Variants in TMEM232 observed in about 807,000 individuals in gnomAD.
TMEM232 encodes the protein transmembrane protein 232.
In TMEM232, 80 loss-of-function variants were observed where a neutral mutation model predicts 78.8. The observed-to-expected ratio is 1.01, with a 90% CI of 0.85 to 1.22. The LOEUF (loss-of-function observed/expected upper bound fraction) is 1.22, where lower values mean the gene tolerates loss of function less well. Ranked by LOEUF, TMEM232 falls within the 50% of genes most tolerant of loss-of-function variation. The probability of loss-of-function intolerance (pLI) is 0.00; values close to 1 mark genes in which losing one functional copy is unlikely to be tolerated. For synonymous variants in TMEM232, 297 were observed against 254.3 expected (o/e 1.17, Z -1.60); for missense variants, 881 against 742.2 (o/e 1.19, Z -2.17).
At chr5:110,690,643 T>C (rs762717648) in intron 1 of TMEM232, among the ~76,000 whole-genome samples, 2 of 152,206 alleles carry the variant, frequency 1.3e-5, no homozygotes, top group African/African-American at 2.4e-5. Context: ...CAAAGGATTA[T>C]AAATCATCCT....
At chr5:110,536,487 T>C (rs922179683) in intron 11 of TMEM232, among the ~76,000 whole-genome samples, 5 of 152,180 alleles carry the variant, frequency 3.3e-5, no homozygotes, top group African/African-American at 1.2e-4. Flanking sequence ...CAATTGGCAG[T>C]GGTACAGGGT....
At chr5:110,548,866 C>G (rs902137964) in intron 11 of TMEM232, among the ~76,000 whole-genome samples, 2 of 151,890 alleles carry the variant, frequency 1.3e-5, no homozygotes, top group Non-Finnish European at 2.9e-5. Flanking sequence ...TTATTCACAA[C>G]AGAAAAGGTT....
At chr5:110,691,282 G>A (rs1794091301) in intron 1 of TMEM232, among the ~76,000 whole-genome samples, 1 of 152,094 alleles carries the variant, frequency 6.6e-6, no homozygotes, top group Non-Finnish European at 1.5e-5. Context: ...AAATCACAAT[G>A]AGCTGATACT....
chr5:110,553,015 T>C (rs537561421), intron 11 of TMEM232, among the ~76,000 whole-genome samples: 2 of 152,288 alleles, frequency 1.3e-5, no homozygotes, highest in South Asian at 2.1e-4. Flanking sequence ...CTCATTGTTA[T>C]TGTCAACTTT....
At chr5:110,405,169 C>T (rs552858961) in intron 2 of TMEM232, among the ~76,000 whole-genome samples, 1 of 152,064 alleles carries the variant, frequency 6.6e-6, no homozygotes, top group Non-Finnish European at 1.5e-5. Flanking sequence ...AAAAAAGAGA[C>T]TAGTGATACT....
chr5:110,396,397 A>G (rs1408377160), intron 3 of TMEM232, among the ~76,000 whole-genome samples: 1 of 152,170 alleles, frequency 6.6e-6, no homozygotes, highest in African/African-American at 2.4e-5. Context: ...AGGAAAAAAA[A>G]GTTATAATTT....
At chr5:110,643,024 T>A (rs1786958829) in intron 2 of TMEM232, among the ~76,000 whole-genome samples, 1 of 152,058 alleles carries the variant, frequency 6.6e-6, no homozygotes, top group South Asian at 2.1e-4. Context: ...GACGTAATAG[T>A]GGCTTGGATC....
chr5:110,485,274 T>G (rs1326532885), intron 12 of TMEM232, among the ~76,000 whole-genome samples: 1 of 152,140 alleles, frequency 6.6e-6, no homozygotes, highest in Non-Finnish European at 1.5e-5. Flanking sequence ...TACAGAATAT[T>G]CCACCATCAA....
At chr5:110,452,142 T>A (rs931024701) in intron 12 of TMEM232, among the ~76,000 whole-genome samples, 1 of 152,142 alleles carries the variant, frequency 6.6e-6, no homozygotes, top group African/African-American at 2.4e-5. Flanking sequence ...GAGTAACAAT[T>A]GTTCATCTTG....
Position 110,737,747 on chromosome 5 carries a change from T to C in TMEM232, c.-126+246A>G, listed in dbSNP as rs1361649788. Among the ~76,000 whole-genome samples the C allele has an allele frequency of 2.0e-5, 3 of 152,214 alleles. No individual in the cohort carries two copies. The East Asian group carries it at 5.8e-4, about 29-fold the overall frequency. ...TTTGTACATTAAAGCTACTGTTCCA[T>C]TGTTTAAACCATGTTAAAATGTCAT... is the stretch of plus-strand genomic sequence containing the variant. On this transcript the variant is annotated intron_variant, in intron 1 of 4. Transcript: ENST00000512886.
chr5:110,493,383 A>G (rs79779162), intron 12 of TMEM232, among the ~76,000 whole-genome samples: 2 of 121,512 alleles, frequency 1.6e-5, no homozygotes, highest in Non-Finnish European at 3.2e-5. Context: ...CAAGACATTG[A>G]AAAAAAAAAA....
Position 110,618,468 on chromosome 5 carries a change from T to C in TMEM232, c.863A>G (p.His288Arg). Residue 288 changes from histidine to arginine, a missense_variant, in exon 8 of 14, where the codon CAT becomes CGT. His to Arg is a conservative substitution (Grantham distance 29). Transcript: ENST00000455884. ...NSPQLNNVLEHLVFHKTQLQK... is the reference protein window; with the variant it reads ...NSPQLNNVLERLVFHKTQLQK... ...AAGCTGTGTCTTATGGAAGACGAGA[T>C]GTTCAAGCACGTTATTCAACTGAGG... 1 of 1,551,590 alleles carries C rather than the reference T, an allele frequency of 6.4e-7. No individual in the cohort carries two copies. The highest frequency in any genetic ancestry group is 8.7e-7 in the Non-Finnish European group (1 of 1,146,846).
chr5:110,434,223 C>T (rs1402556945), intron 12 of TMEM232, among the ~76,000 whole-genome samples: 1 of 149,356 alleles, frequency 6.7e-6, no homozygotes, highest in Admixed American at 6.7e-5. Flanking sequence ...AGACTGCTAA[C>T]TAGATTAAAA....
At chr5:110,719,161 G>A (rs896725977) in intron 1 of TMEM232, among the ~76,000 whole-genome samples, 11 of 151,560 alleles carry the variant, frequency 7.3e-5, no homozygotes, top group East Asian at 1.9e-4. Context: ...ACATGACTGC[G>A]TGTGTGTATA....
chr5:110,475,345 G>T (rs1486712264), intron 12 of TMEM232, among the ~76,000 whole-genome samples: 1 of 151,312 alleles, frequency 6.6e-6, no homozygotes, highest in Non-Finnish European at 1.5e-5. Flanking sequence ...GATGCCTATG[G>T]AACACCATAT....
chr5:110,602,380 T>G (rs1483005797), intron 10 of TMEM232, among the ~76,000 whole-genome samples: 2 of 151,410 alleles, frequency 1.3e-5, no homozygotes, highest in Non-Finnish European at 1.5e-5. Flanking sequence ...TGGAAGAAAA[T>G]TTTTTCAATC....
chr5:110,419,361 A>T (rs1390471989), downstream of TMEM232, among the ~76,000 whole-genome samples: 1 of 152,128 alleles, frequency 6.6e-6, no homozygotes, highest in African/African-American at 2.4e-5. Context: ...TACAGGCAAC[A>T]TTTTTCTGCC....
chr5:110,542,832 T>C (rs140627058), intron 11 of TMEM232, among the ~76,000 whole-genome samples: 2 of 152,136 alleles, frequency 1.3e-5, no homozygotes, highest in East Asian at 3.9e-4. Flanking sequence ...AGATGAAAAA[T>C]TGAAAGTACC....
intron 12 of TMEM232, among the ~76,000 whole-genome samples, chr5:110,444,488 C>G (rs527935432): frequency 6.6e-6 from 1 of 152,298 alleles, no homozygotes; most frequent in Admixed American, 6.5e-5. Context: ...CTCCTGCCTT[C>G]TTTAATGCCT....
Sources: gnomAD v4.1 joint callset for allele counts (sites outside exome capture counted in the v4.1 genomes callset) on GRCh38, gnomAD v4.1.1 for gene constraint, MANE v1.5 for transcripts, NCBI Gene and HGNC (gene_info 2026-07-23, HGNC 2026-07-21) for gene names.